ATF7IP: variants seen among roughly 807,000 people sequenced by gnomAD.
ATF7IP encodes activating transcription factor 7-interacting protein 1.
ATF7IP carries 23 observed loss-of-function variants against 106.4 expected under a neutral mutation model. The observed-to-expected ratio is 0.22, with a 90% CI of 0.16 to 0.31. The LOEUF is 0.31. Among genes scored for constraint, ATF7IP ranks in the 10% least tolerant of loss-of-function variants. The pLI is 1.00. For synonymous variants in ATF7IP, 542 were observed against 539.0 expected, an observed-to-expected ratio of 1.01 and a Z score of -0.08; for missense variants, 1,334 against 1,524.3, an observed-to-expected ratio of 0.88 and a Z score of 2.08.
chr12:14,494,331 A>ATGTGTGTGTGTG (rs1207326378), intron 13 of ATF7IP, among the ~76,000 whole-genome samples: 1 of 90,614 alleles, frequency 1.1e-5, no homozygotes, highest in African/African-American at 4.5e-5. Context: ...ATATATATAT[A>ATGTGTGTGTGTG]TATGTGTGTG....
intron 1 of ATF7IP, among the ~76,000 whole-genome samples, chr12:14,388,850 A>T (rs1939392805): frequency 6.6e-6 from 1 of 151,588 alleles, no homozygotes; most frequent in Non-Finnish European, 1.5e-5. Flanking sequence ...ATGTTGGCCA[A>T]GCTGGTCTCG....
intron 1 of ATF7IP, among the ~76,000 whole-genome samples, chr12:14,413,444 T>G (rs75495142): frequency 1.1e-4 from 17 of 152,256 alleles, no homozygotes; most frequent in African/African-American, 3.6e-4. Flanking sequence ...TTCAAAGAGA[T>G]AAAGAAGACA....
intron 1 of ATF7IP, among the ~76,000 whole-genome samples, chr12:14,378,380 G>A (rs1261937686): frequency 3.3e-5 from 5 of 152,170 alleles, no homozygotes. Flanking sequence ...TTACAGGCGT[G>A]AGTCACCATG....
intron 10 of ATF7IP, among the ~76,000 whole-genome samples, chr12:14,471,600 C>T (rs1944047767): frequency 6.6e-6 from 1 of 151,928 alleles, no homozygotes; most frequent in African/African-American, 2.4e-5. Context: ...GCTTGGGAGG[C>T]CTCAGGAAAC....
chr12:14,453,900 C>T (rs1410747721), intron 6 of ATF7IP, among the ~76,000 whole-genome samples: 2 of 152,222 alleles, frequency 1.3e-5, no homozygotes, highest in African/African-American at 4.8e-5. Flanking sequence ...GCTGGGATTA[C>T]AGGCACGAGC....
intron 6 of ATF7IP, among the ~76,000 whole-genome samples, chr12:14,453,906 C>T (rs750928909): frequency 6.6e-6 from 1 of 152,040 alleles, no homozygotes; most frequent in Non-Finnish European, 1.5e-5. Flanking sequence ...ATTACAGGCA[C>T]GAGCCACCAG....
At chr12:14,450,300 A>C (rs1943152226) in intron 6 of ATF7IP, among the ~76,000 whole-genome samples, 1 of 152,138 alleles carries the variant, frequency 6.6e-6, no homozygotes, top group Non-Finnish European at 1.5e-5. Flanking sequence ...TTAACCATGG[A>C]GTTTTCATGT....
intron 12 of ATF7IP, 88 bp from the exon 13 acceptor site, chr12:14,480,915 A>C: frequency 8.4e-7 from 1 of 1,190,124 alleles, no homozygotes; most frequent in Non-Finnish European, 1.2e-6. Context: ...AGTTAATTAG[A>C]TTTTATGCAA....
intron 13 of ATF7IP, among the ~76,000 whole-genome samples, chr12:14,486,194 C>G (rs1445053529): frequency 6.6e-6 from 1 of 152,124 alleles, no homozygotes; most frequent in Non-Finnish European, 1.5e-5. Flanking sequence ...TAAGTCAGAC[C>G]TGAGATAAAA....
intron 1 of ATF7IP, among the ~76,000 whole-genome samples, chr12:14,387,892 A>T (rs564662444): frequency 3.3e-5 from 5 of 152,174 alleles, no homozygotes; most frequent in African/African-American, 1.2e-4. Context: ...ATAAGCCTCT[A>T]AGAGAAATGT....
intron 1 of ATF7IP, among the ~76,000 whole-genome samples, chr12:14,418,928 T>C (rs1208825788): frequency 6.6e-6 from 1 of 152,166 alleles, no homozygotes; most frequent in Non-Finnish European, 1.5e-5. Flanking sequence ...AATTTAATAT[T>C]AACTGTGAGG....
At chr12:14,422,665 G>A (rs1941598234) in intron 1 of ATF7IP, among the ~76,000 whole-genome samples, 2 of 152,126 alleles carry the variant, frequency 1.3e-5, no homozygotes, top group Admixed American at 6.6e-5. Context: ...GTGGCCTTTT[G>A]TGACTGGCTT....
chr12:14,444,000 A>T (rs1942835987), intron 5 of ATF7IP, among the ~76,000 whole-genome samples: 1 of 152,198 alleles, frequency 6.6e-6, no homozygotes, highest in Admixed American at 6.5e-5. Flanking sequence ...ACAGAACCAG[A>T]AAACAGGAGT....
At chr12:14,446,136 GGTTTTTTGTTT>G (rs1359572351) in intron 5 of ATF7IP, among the ~76,000 whole-genome samples, 1 of 151,644 alleles carries the variant, frequency 6.6e-6, no homozygotes. Context: ...CAAGGTAATG[GGTTTTTTGTTT>G]GTTTTTTGTT....
At chr12:14,484,897 A>T (rs1008122888) in intron 13 of ATF7IP, among the ~76,000 whole-genome samples, 2 of 152,282 alleles carry the variant, frequency 1.3e-5, no homozygotes, top group South Asian at 2.1e-4. Flanking sequence ...CATGATAGTC[A>T]TCTCAGGTCA....
chr12:14,462,272 T>C (rs1943671148), intron 9 of ATF7IP, among the ~76,000 whole-genome samples: 1 of 152,144 alleles, frequency 6.6e-6, no homozygotes, highest in Non-Finnish European at 1.5e-5. Context: ...ATTTTTTGGA[T>C]ATTCTTTCAT....
At chr12:14,474,404 T>G (rs1413485010) in intron 10 of ATF7IP, among the ~76,000 whole-genome samples, 1 of 142,706 alleles carries the variant, frequency 7.0e-6, no homozygotes, top group Non-Finnish European at 1.6e-5. Flanking sequence ...ATTCTTTGAA[T>G]TTTTTTTTTT....
At chr12:14,438,986 C>T (rs1456597604) in intron 5 of ATF7IP, among the ~76,000 whole-genome samples, 2 of 152,036 alleles carry the variant, frequency 1.3e-5, no homozygotes, top group Admixed American at 6.6e-5. Context: ...GTTAATCTAC[C>T]TCCTTTCGTG....
intron 6 of ATF7IP, among the ~76,000 whole-genome samples, chr12:14,449,125 A>G (rs1943098401): frequency 6.6e-6 from 1 of 152,054 alleles, no homozygotes; most frequent in South Asian, 2.1e-4. Flanking sequence ...TTCCTTTCAT[A>G]TACAGAAGTT....
Sources: gnomAD v4.1 joint callset for allele counts (sites outside exome capture counted in the v4.1 genomes callset) on GRCh38, gnomAD v4.1.1 for gene constraint, MANE v1.5 for transcripts, NCBI Gene and HGNC (gene_info 2026-07-23, HGNC 2026-07-21) for gene names.